AFF1: variants seen among roughly 807,000 people sequenced by gnomAD.
AFF1 encodes AF4/FMR2 family member 1.
A neutral mutation model predicts 121.7 loss-of-function variants in AFF1; 48 were observed. The ratio of observed to expected loss-of-function variants is 0.39; its 90% CI spans 0.31 to 0.50. The LOEUF is 0.50. AFF1 is among the 20% of genes least tolerant of loss of function. AFF1 has a pLI of 0.76. For missense variants in AFF1, 1,523 were observed against 1,511.7 expected (o/e 1.01, Z -0.12); for synonymous variants, 613 against 563.0 (o/e 1.09, Z -1.26).
chr4:87,042,822 G>A (rs1429046641), intron 2 of AFF1, among the ~76,000 whole-genome samples: 1 of 152,184 alleles, frequency 6.6e-6, no homozygotes, highest in African/African-American at 2.4e-5. Context: ...TTCTGTGAAA[G>A]AATGGCTTAA....
intron 2 of AFF1, among the ~76,000 whole-genome samples, chr4:86,972,131 CAAAAAAAAA>C (rs59683267): frequency 3.6e-4 from 21 of 57,946 alleles, no homozygotes; most frequent in African/African-American, 1.1e-3. Flanking sequence ...GAGCTTGTCT[CAAAAAAAAA>C]AAAAAAAAAA....
chr4:87,064,582 A>G (rs868583749), intron 4 of AFF1, among the ~76,000 whole-genome samples: 1 of 152,126 alleles, frequency 6.6e-6, no homozygotes, highest in Non-Finnish European at 1.5e-5. Flanking sequence ...TCTACAAAAC[A>G]TTTTAAAAAT....
At chr4:87,037,934 G>C (rs1729731526) in intron 2 of AFF1, among the ~76,000 whole-genome samples, 1 of 152,062 alleles carries the variant, frequency 6.6e-6, no homozygotes, top group Non-Finnish European at 1.5e-5. Context: ...GTGTTTTCAA[G>C]GTTGATTTAA....
At chr4:86,958,093 T>TC (rs781165957) in intron 2 of AFF1, among the ~76,000 whole-genome samples, 1 of 58,812 alleles carries the variant, frequency 1.7e-5, no homozygotes, top group African/African-American at 7.4e-5. Flanking sequence ...TTTTTTTCCT[T>TC]TTTTTTTTTT....
intron 5 of AFF1, 106 bp downstream of exon 5, chr4:87,084,270 G>C (rs549716535): frequency 4.1e-6 from 5 of 1,227,028 alleles, no homozygotes; most frequent in Non-Finnish European, 3.6e-6. Flanking sequence ...TGGGTGCGGT[G>C]GCTCATGCCT....
Position 87,074,371 on chromosome 4 carries a change from A to G in AFF1, c.1060-9749A>G, listed in dbSNP as rs552062811. Among the ~76,000 whole-genome samples, 110 of 152,134 alleles carry G rather than the reference A, an allele frequency of 7.2e-4. 2 individuals carry two copies. The highest frequency in any genetic ancestry group is 3.4e-3 in the Middle Eastern group (1 of 294). On this transcript the variant is annotated intron_variant, in intron 4 of 20. Transcript: ENST00000395146. ...ATCATTCATGGCTGCTGTGCCCACA[A>G]TGGGCTTCATGGGGCCTCATGTGGT... is the stretch of plus-strand genomic sequence containing the variant.
At chr4:86,977,900 A>G (rs964228555) in intron 2 of AFF1, among the ~76,000 whole-genome samples, 1 of 152,170 alleles carries the variant, frequency 6.6e-6, no homozygotes, top group Non-Finnish European at 1.5e-5. Context: ...TCACACACCA[A>G]GTATTTATCG....
chr4:87,086,374 T>G (rs1177022098), intron 5 of AFF1, among the ~76,000 whole-genome samples: 1 of 152,216 alleles, frequency 6.6e-6, no homozygotes, highest in Non-Finnish European at 1.5e-5. Flanking sequence ...ATGGTGGTAT[T>G]ACAGCACCAG....
At chr4:87,111,084 T>C (rs1726472527) in intron 11 of AFF1, among the ~76,000 whole-genome samples, 1 of 85,372 alleles carries the variant, frequency 1.2e-5, no homozygotes, top group African/African-American at 4.0e-5. Flanking sequence ...CTCGGCTCAC[T>C]GCAAGCTCCG....
At chr4:86,984,987 GTAT>G (rs996278562) in intron 2 of AFF1, among the ~76,000 whole-genome samples, 7 of 151,126 alleles carry the variant, frequency 4.6e-5, no homozygotes, top group African/African-American at 1.5e-4. Context: ...AATGGTATTG[GTAT>G]TATTATTGTA....
At chr4:87,132,479 C>T in intron 19 of AFF1, 71 bp downstream of exon 19, 2 of 1,482,904 alleles carry the variant, frequency 1.3e-6, no homozygotes, top group African/African-American at 1.4e-5. Context: ...GCTTTTGCAA[C>T]CATTTGTATG....
intron 6 of AFF1, 33 bp downstream of exon 6, chr4:87,090,103 C>A: frequency 1.3e-6 from 2 of 1,543,968 alleles, no homozygotes; most frequent in South Asian, 1.1e-5. Flanking sequence ...GGCATTGCAT[C>A]CACCTTAGTG....
chr4:86,991,157 A>C (rs1044470369), intron 2 of AFF1, among the ~76,000 whole-genome samples: 8 of 149,494 alleles, frequency 5.4e-5, no homozygotes, highest in African/African-American at 1.7e-4. Context: ...AAAACAAAAC[A>C]AAAAAAAACC....
At position 87,140,216 on chromosome 4, in the gene AFF1, T is replaced by C. The variant is rs1164561389; in HGVS notation, c.*4515T>C. 5.1e-6 allele frequency: 1 copy of C among 196,200 alleles called. No individual in the cohort carries two copies. The highest frequency in any genetic ancestry group is 2.3e-5 in the African/African-American group (1 of 43,242). 12.2% of individuals were successfully genotyped at this position (196,200 alleles called of 1,614,324 possible). A position where few individuals can be genotyped will look rare whatever the true frequency, so the allele number is the denominator to read the frequency against. The stretch of plus-strand genomic sequence containing the variant: ...CCTAAGGAAGACAACTTGCTTTGCT[T>C]AAAAGTAGATTTTTTAAGCAATGCT... On this transcript the variant is annotated 3_prime_UTR_variant, in exon 21 of 21. Coordinates refer to ENST00000395146, the MANE Select transcript of AFF1 (RefSeq NM_001166693.3).
At chr4:86,995,378 A>G (rs1028156985) in intron 2 of AFF1, among the ~76,000 whole-genome samples, 114 of 146,538 alleles carry the variant, frequency 7.8e-4, no homozygotes, top group African/African-American at 2.8e-3. Context: ...GCTGGACGGT[A>G]CTGCTGCCAT....
chr4:87,071,529 C>T (rs1722053370), intron 4 of AFF1, among the ~76,000 whole-genome samples: 1 of 152,030 alleles, frequency 6.6e-6, no homozygotes, highest in African/African-American at 2.4e-5. Context: ...TTTAATAATA[C>T]ACTTCCTTCC....
At chr4:87,008,676 T>C (rs904086999) in intron 2 of AFF1, among the ~76,000 whole-genome samples, 10 of 152,214 alleles carry the variant, frequency 6.6e-5, no homozygotes, top group Admixed American at 1.3e-4. Flanking sequence ...GTCCTTGTGA[T>C]GTTATCACAA....
At chr4:87,119,139 A>G (rs1292160587) in intron 12 of AFF1, among the ~76,000 whole-genome samples, 1 of 152,192 alleles carries the variant, frequency 6.6e-6, no homozygotes, top group Admixed American at 6.5e-5. Context: ...GGTTACAGGC[A>G]TGAGTCACCA....
Position 87,108,227 on chromosome 4 carries a change from G to A in AFF1, c.1445G>A (p.Ser482Asn). Residue 482 changes from serine (S) to asparagine (N), a missense_variant, in exon 11 of 21, where the codon AGT becomes AAT. Physicochemically the swap from Ser to Asn is conservative, Grantham distance 46. Around this residue, in one of 5 missense-constraint regions of AFF1, gnomAD observed 905 missense variants for 842.5 expected, o/e 1.07. Transcript: ENST00000395146. The stretch of plus-strand genomic sequence containing the variant: ...AGCAGTGCAGAGTCAGAAAGCACCA[G>A]TGACTCAGACAGTTCCTCAGACTCA... ...HSSSAESESTSDSDSSSDSES... is the reference protein window; with the variant it reads ...HSSSAESESTNDSDSSSDSES... The A allele has an allele frequency of 6.2e-7, 1 of 1,614,164 alleles. No homozygotes were observed. The highest frequency in any genetic ancestry group is 8.5e-7 in the Non-Finnish European group (1 of 1,179,996).
Sources: gnomAD v4.1 joint callset for allele counts (sites outside exome capture counted in the v4.1 genomes callset) on GRCh38, gnomAD v4.1.1 for gene constraint, gnomAD v4.1.1 regional missense constraint, MANE v1.5 for transcripts, NCBI Gene and HGNC (gene_info 2026-07-23, HGNC 2026-07-21) for gene names.